The following SEMA5A variants were observed in gnomAD, a reference collection of about 807,000 sequenced individuals.
SEMA5A encodes semaphorin-5A.
A neutral mutation model predicts 135.5 loss-of-function variants in SEMA5A; 55 were observed. The ratio of observed to expected loss-of-function variants is 0.41; its 90% CI spans 0.33 to 0.51. The LOEUF (loss-of-function observed/expected upper bound fraction) is 0.51. SEMA5A is among the 20% of genes least tolerant of loss of function. The pLI is 0.37. For missense variants in SEMA5A, 1,290 were observed against 1,419.9 expected (o/e 0.91, Z 1.47); for synonymous variants, 580 against 546.5 (o/e 1.06, Z -0.85).
intron 16 of SEMA5A, among the ~76,000 whole-genome samples, chr5:9,080,593 T>C (rs1479205271): frequency 6.6e-6 from 1 of 151,948 alleles, no homozygotes; most frequent in African/African-American, 2.4e-5. Flanking sequence ...GCATCTTCTA[T>C]TGTTTTACTC....
At chr5:9,208,351 G>A (rs925485256) in intron 8 of SEMA5A, among the ~76,000 whole-genome samples, 1 of 152,236 alleles carries the variant, frequency 6.6e-6, no homozygotes, top group African/African-American at 2.4e-5. Context: ...GCCGGCCAGA[G>A]TACTGCTCTA....
At position 9,037,458 on chromosome 5, in the gene SEMA5A, T is replaced by C. The variant is rs1394763442; in HGVS notation, c.*5439A>G. The C allele has an allele frequency of 6.6e-6, 1 of 152,228 alleles. No individual in the cohort carries two copies. The highest frequency in any genetic ancestry group is 2.1e-4 in the South Asian group (1 of 4,836). 9.4% of individuals were successfully genotyped at this position (152,228 alleles called of 1,614,324 possible). A position where few individuals can be genotyped will look rare whatever the true frequency, so the allele number is the denominator to read the frequency against. On this transcript the variant is annotated 3_prime_UTR_variant, in exon 23 of 23. Coordinates refer to ENST00000382496, the MANE Select transcript of SEMA5A (RefSeq NM_003966.3). ...TCAAAAGTGGATAGGATTCCCTTCCTCATGCTTCTGTAACATGTATCAAAT... is the reference window on the plus strand; with the variant it reads ...TCAAAAGTGGATAGGATTCCCTTCCCCATGCTTCTGTAACATGTATCAAAT...
chr5:9,144,411 T>G (rs528086572), intron 12 of SEMA5A, among the ~76,000 whole-genome samples: 4 of 152,308 alleles, frequency 2.6e-5, no homozygotes, highest in Non-Finnish European at 5.9e-5. Flanking sequence ...TATTATTCTG[T>G]TTTCTTATAA....
chr5:9,108,341 A>G (rs1740039770), intron 15 of SEMA5A, 54 bp from the exon 16 acceptor site: 37 of 1,594,920 alleles, frequency 2.3e-5, no homozygotes, highest in Non-Finnish European at 3.2e-5. Flanking sequence ...ACTTGAAACC[A>G]CTGACGTTTC....
intron 11 of SEMA5A, among the ~76,000 whole-genome samples, chr5:9,162,560 G>GTA (rs760785096): frequency 3.6e-5 from 1 of 28,018 alleles, no homozygotes; most frequent in African/African-American, 1.7e-4. Flanking sequence ...ATGTGTGTGT[G>GTA]TGTGTATATA....
intron 1 of SEMA5A, among the ~76,000 whole-genome samples, chr5:9,532,799 G>T (rs1230831552): frequency 6.6e-6 from 1 of 152,112 alleles, no homozygotes; most frequent in Non-Finnish European, 1.5e-5. Flanking sequence ...CTTCTCCTTT[G>T]ACACTTTTTT....
At chr5:9,432,068 T>C (rs1027401185) in intron 2 of SEMA5A, among the ~76,000 whole-genome samples, 14 of 152,270 alleles carry the variant, frequency 9.2e-5, no homozygotes, top group Admixed American at 9.1e-4. Flanking sequence ...AGTTCCATAA[T>C]GGGGAATTCC....
rs75470135 is a variant in SEMA5A, at chr5:9,084,312, G to T, written c.2074-17666C>A. On this transcript the variant is annotated intron_variant, in intron 16 of 22. Coordinates refer to ENST00000382496, the MANE Select transcript of SEMA5A (RefSeq NM_003966.3). ...ACTGAGAGACAAGGTTAATTTGAAAGCCCACAGCATGAGTGGGGCTCCTTG... is the reference window on the plus strand; with the variant it reads ...ACTGAGAGACAAGGTTAATTTGAAATCCCACAGCATGAGTGGGGCTCCTTG... Among the ~76,000 whole-genome samples the T allele has an allele frequency of 8.0e-3, 1,218 of 152,228 alleles. 17 individuals carry two copies. The highest frequency in any genetic ancestry group is 0.028 in the African/African-American group (1,177 of 41,540).
intron 2 of SEMA5A, among the ~76,000 whole-genome samples, chr5:9,428,323 A>G (rs571795948): frequency 1.8e-4 from 28 of 152,266 alleles, no homozygotes; most frequent in African/African-American, 6.0e-4. Context: ...CCACAACCTG[A>G]CAGTCATGCT....
intron 1 of SEMA5A, among the ~76,000 whole-genome samples, chr5:9,457,882 GA>G (rs1174103031): frequency 7.1e-6 from 1 of 141,488 alleles, no homozygotes; most frequent in Non-Finnish European, 1.5e-5. Flanking sequence ...AATAATTCTT[GA>G]AAAACCAGCA....
At chr5:9,159,960 C>A (rs142245153) in intron 11 of SEMA5A, among the ~76,000 whole-genome samples, 2 of 152,158 alleles carry the variant, frequency 1.3e-5, no homozygotes, top group Admixed American at 6.5e-5. Context: ...GAACAGAAAA[C>A]CAAACACCGC....
intron 13 of SEMA5A, among the ~76,000 whole-genome samples, chr5:9,131,810 G>A (rs923528504): frequency 6.6e-6 from 1 of 151,878 alleles, no homozygotes; most frequent in Non-Finnish European, 1.5e-5. Context: ...TATTTGTGGG[G>A]AGTGAACATG....
intron 9 of SEMA5A, among the ~76,000 whole-genome samples, chr5:9,201,199 C>T (rs955034020): frequency 6.6e-6 from 1 of 152,072 alleles, no homozygotes; most frequent in Non-Finnish European, 1.5e-5. Context: ...GCCTTGATTC[C>T]TGGGTTTGGC....
At chr5:9,176,184 C>T (rs1312171377) in intron 11 of SEMA5A, among the ~76,000 whole-genome samples, 5 of 152,168 alleles carry the variant, frequency 3.3e-5, no homozygotes, top group Non-Finnish European at 5.9e-5. Context: ...AAAGGGAAGA[C>T]TGGGCCTCTC....
At chr5:9,540,446 A>T (rs1392966468) in intron 1 of SEMA5A, among the ~76,000 whole-genome samples, 1 of 150,994 alleles carries the variant, frequency 6.6e-6, no homozygotes, top group Non-Finnish European at 1.5e-5. Context: ...AAAAAAAAAA[A>T]AATTAGCTGG....
At chr5:9,280,540 G>T (rs1397110859) in intron 5 of SEMA5A, among the ~76,000 whole-genome samples, 1 of 152,168 alleles carries the variant, frequency 6.6e-6, no homozygotes, top group African/African-American at 2.4e-5. Flanking sequence ...CATAGGAGAA[G>T]CTCTCACTTG....
chr5:9,160,998 C>T (rs974089124), intron 11 of SEMA5A, among the ~76,000 whole-genome samples: 1 of 152,128 alleles, frequency 6.6e-6, no homozygotes, highest in Non-Finnish European at 1.5e-5. Context: ...CAAGAAATGA[C>T]CCATGAAACA....
At chr5:9,508,697 C>G (rs73038523) in intron 1 of SEMA5A, among the ~76,000 whole-genome samples, 166 of 152,240 alleles carry the variant, frequency 1.1e-3, no homozygotes, top group African/African-American at 3.8e-3. Context: ...CCCTGCTTAC[C>G]ACCGTCCTGC....
intron 2 of SEMA5A, among the ~76,000 whole-genome samples, chr5:9,414,025 G>T (rs568827694): frequency 6.6e-6 from 1 of 152,108 alleles, no homozygotes; most frequent in Non-Finnish European, 1.5e-5. Context: ...AATCTGGGAG[G>T]ATCTGATTCA....
Sources: allele counts gnomAD v4.1 joint callset (sites outside exome capture counted in the v4.1 genomes callset), GRCh38; gene constraint gnomAD v4.1.1; transcripts MANE v1.5; gene names NCBI Gene and HGNC (gene_info 2026-07-23, HGNC 2026-07-21).